Variants in NPHP4 observed in about 807,000 individuals in gnomAD.
NPHP4 encodes the protein nephrocystin 4, also known as nephrocystin-4.
Under a neutral mutation model 155.8 loss-of-function variants are expected in NPHP4, and 151 were observed. That is an observed-to-expected ratio of 0.97 (90% confidence interval 0.85 to 1.11). The LOEUF (loss-of-function observed/expected upper bound fraction) is 1.11. NPHP4 is among the 50% of genes least tolerant of loss of function. The pLI, the probability that NPHP4 is intolerant of heterozygous loss-of-function variation, is 0.00. For missense variants in NPHP4, 1,956 were observed against 1,925.7 expected, an observed-to-expected ratio of 1.02 and a Z score of -0.29; for synonymous variants, 845 against 816.8, an observed-to-expected ratio of 1.03 and a Z score of -0.59.
rs539233924 is a variant in NPHP4 at position 5,892,105 on chromosome 1, T to C, written c.2144-1077A>G. Among the ~76,000 whole-genome samples the C allele has an allele frequency of 3.9e-5, 6 of 152,190 alleles. No homozygotes were observed. Among genetic ancestry groups the C allele is most frequent in the Admixed American group, 6.5e-5 (1 of 15,298 alleles). The stretch of plus-strand genomic sequence containing the variant: ...ACCAAGGAGGAGCTGGTGATTAACA[T>C]CACGCAAGGGCAGGCATGTCCCCAG... On this transcript the variant is annotated intron_variant, in intron 16 of 29. Coordinates refer to ENST00000378156, the MANE Select transcript of NPHP4 (RefSeq NM_015102.5). This position sits in a 1 kb window ranked among gnomAD's most constrained non-coding sequence, Gnocchi z 4.5.
chr1:5,917,297 C>A (rs895928603), intron 11 of NPHP4, among the ~76,000 whole-genome samples: 3 of 152,092 alleles, frequency 2.0e-5, no homozygotes, highest in Non-Finnish European at 4.4e-5. Context: ...TCAATCAGGG[C>A]CTTTCTGTTG....
At chr1:5,966,955 C>T (rs1247510018) in intron 5 of NPHP4, among the ~76,000 whole-genome samples, 2 of 152,230 alleles carry the variant, frequency 1.3e-5, no homozygotes, top group Non-Finnish European at 2.9e-5. Context: ...TGGAGATAAC[C>T]GACGGCTGTG....
At chr1:5,883,403 G>C (rs1260380271) in intron 18 of NPHP4, among the ~76,000 whole-genome samples, 1 of 152,208 alleles carries the variant, frequency 6.6e-6, no homozygotes, top group Non-Finnish European at 1.5e-5. Context: ...CACATGATGG[G>C]GAGAAAGTGC....
intron 17 of NPHP4, among the ~76,000 whole-genome samples, chr1:5,888,836 G>C (rs921721143): frequency 6.6e-6 from 1 of 152,194 alleles, no homozygotes; most frequent in Non-Finnish European, 1.5e-5. Context: ...ACCCCCATCT[G>C]GCTCTGCATG....
chr1:5,958,380 C>T (rs1375964544), intron 6 of NPHP4, among the ~76,000 whole-genome samples: 1 of 152,094 alleles, frequency 6.6e-6, no homozygotes, highest in African/African-American at 2.4e-5. Context: ...CGGAGAAACC[C>T]TGTCTCTACA....
chr1:5,932,554 G>A (rs1646330168), intron 10 of NPHP4, among the ~76,000 whole-genome samples: 1 of 151,978 alleles, frequency 6.6e-6, no homozygotes, highest in African/African-American at 2.4e-5. Flanking sequence ...ACCGCCAATG[G>A]GGCCAAGGAG....
chr1:5,887,340 T>A lies in NPHP4; in HGVS notation c.2431A>T (p.Ile811Phe), dbSNP rs759757600. ...CCCTTCACCACCGAGTGGACGCCGA[T>A]GGGCTTGACGCGGCCAAACCCCAGC... The part of the protein sequence containing the change: ...DMLGFGRVKP[I>F]GVHSVVKGRL... The change falls in exon 18 of 30, where the codon ATC (isoleucine) becomes TTC (phenylalanine). Residue 811 changes from isoleucine (I) to phenylalanine (F), a missense_variant. Ile to Phe is a conservative substitution (Grantham distance 21). Coordinates refer to ENST00000378156, the MANE Select transcript of NPHP4 (RefSeq NM_015102.5). The A allele has an allele frequency of 1.9e-6, 3 of 1,613,570 alleles. No homozygotes were observed. The highest frequency in any genetic ancestry group is 2.5e-6 in the Non-Finnish European group (3 of 1,179,876).
chr1:5,948,348 G>T, intron 7 of NPHP4, 97 bp from the exon 8 acceptor site: 1 of 843,538 alleles, frequency 1.2e-6, no homozygotes, highest in Non-Finnish European at 1.8e-6. Flanking sequence ...AGAAACTGGA[G>T]CAGAAGTTGC....
In NPHP4 at chr1:5,905,658, AG is replaced by A. The variant is rs1219198760; in HGVS notation, c.1736del (p.Pro579LeufsTer48). ...QELPFTPLHA[P>X]IVVGTQTRSS... ...TCCTGGTCTGGGTTCCCACAACAAT[AG>A]GGGCATGCAAAGGCGTGAACGGCAG... On this transcript the variant is annotated frameshift_variant, in exon 14 of 30. Coordinates refer to ENST00000378156, the MANE Select transcript of NPHP4 (RefSeq NM_015102.5). LOFTEE classifies it high-confidence loss of function. The surrounding 1 kb of genome is among the most constrained non-coding windows in gnomAD (Gnocchi z 4.0). The A allele has an allele frequency of 1.2e-6, 2 of 1,613,860 alleles. No individual in the cohort carries two copies. The highest frequency in any genetic ancestry group is 1.7e-6 in the Non-Finnish European group (2 of 1,179,854).
Position 5,905,489 on chromosome 1 carries a change from A to T in NPHP4, c.1764-6T>A, listed in dbSNP as rs1309785862. 1 of 1,600,720 alleles carries T rather than the reference A, an allele frequency of 6.2e-7. No homozygotes were observed. The highest frequency in any genetic ancestry group is 8.5e-7 in the Non-Finnish European group (1 of 1,169,958). ...TCGAGGGCTGCCCTGCAGAGCTGAG[A>T]CACAGAGACTCCTCAGGTAGCCTCC... On this transcript the variant is annotated splice_polypyrimidine_tract_variant and splice_region_variant and intron_variant, in intron 14 of 29. Transcript: ENST00000378156. The surrounding 1 kb of genome is among the most constrained non-coding windows in gnomAD (Gnocchi z 4.0).
chr1:5,872,800 A>C (rs898279436), intron 23 of NPHP4, among the ~76,000 whole-genome samples: 41 of 152,256 alleles, frequency 2.7e-4, no homozygotes, highest in African/African-American at 9.6e-4. Flanking sequence ...GCTCCTCCTG[A>C]GAATGTCTCA....
chr1:5,961,509 T>C (rs1407090083), intron 6 of NPHP4, among the ~76,000 whole-genome samples: 1 of 152,252 alleles, frequency 6.6e-6, no homozygotes, highest in Non-Finnish European at 1.5e-5. Flanking sequence ...TTCCTAGCTA[T>C]GGTCACAGAG....
chr1:5,900,982 C>T (rs140677083), intron 16 of NPHP4, among the ~76,000 whole-genome samples: 41 of 152,050 alleles, frequency 2.7e-4, no homozygotes, highest in Admixed American at 3.9e-4. Context: ...CTGCCATGAG[C>T]CATAATTGTG....
chr1:5,871,646 G>A (rs1335545902), intron 23 of NPHP4, among the ~76,000 whole-genome samples: 2 of 152,200 alleles, frequency 1.3e-5, no homozygotes, highest in African/African-American at 2.4e-5. Flanking sequence ...AGGGAGACAC[G>A]GGTGATGGCA....
intron 23 of NPHP4, among the ~76,000 whole-genome samples, chr1:5,872,773 AAGC>A (rs1366900160): frequency 6.6e-6 from 1 of 152,250 alleles, no homozygotes; most frequent in African/African-American, 2.4e-5. Context: ...AACTGCCATA[AAGC>A]AGCAGTGTCT....
At chr1:5,903,724 C>T (rs1470023311) in intron 16 of NPHP4, among the ~76,000 whole-genome samples, 1 of 152,176 alleles carries the variant, frequency 6.6e-6, no homozygotes, top group Non-Finnish European at 1.5e-5. Context: ...ATACAAACTG[C>T]ACCTCAAGGT....
chr1:5,924,783 T>C (rs1645913107), intron 11 of NPHP4, among the ~76,000 whole-genome samples: 1 of 152,066 alleles, frequency 6.6e-6, no homozygotes, highest in Non-Finnish European at 1.5e-5. Flanking sequence ...GCCTCCTGAG[T>C]AGCGGGGACT....
At chr1:5,891,483 C>T (rs115260645) in intron 16 of NPHP4, among the ~76,000 whole-genome samples, 1 of 152,220 alleles carries the variant, frequency 6.6e-6, no homozygotes, top group East Asian at 1.9e-4. Flanking sequence ...CCTCTCCTGG[C>T]CCTAAAGCAG....
At position 5,890,891 on chromosome 1, in the gene NPHP4, C is replaced by T. The variant is rs878915335; in HGVS notation, c.2281G>A (p.Gly761Arg). Residue 761 changes from glycine (G) to arginine (R), a missense_variant, in exon 17 of 30, where the codon GGA (glycine) becomes AGA (arginine). Coordinates refer to ENST00000378156, the MANE Select transcript of NPHP4 (RefSeq NM_015102.5). The surrounding 1 kb of genome is among the most constrained non-coding windows in gnomAD (Gnocchi z 4.9). ...VWDGDSLLLI[G>R]SAAVQMKHLL... The stretch of plus-strand genomic sequence containing the variant: ...ACCTTCATCTGGACGGCAGCAGATC[C>T]GATGAGCAGCAGGGAGTCTCCGTCC... The T allele has an allele frequency of 5.6e-6, 9 of 1,610,248 alleles. No homozygotes were observed. The highest frequency in any genetic ancestry group is 4.4e-5 in the South Asian group (4 of 90,512).
Sources: gnomAD v4.1 joint callset for allele counts (sites outside exome capture counted in the v4.1 genomes callset) on GRCh38, gnomAD v4.1.1 for gene constraint, Gnocchi (gnomAD v3.1) non-coding constraint, MANE v1.5 for transcripts, NCBI Gene and HGNC (gene_info 2026-07-23, HGNC 2026-07-21) for gene names.